The following LINGO2 variants were observed in gnomAD, a reference collection of about 807,000 sequenced individuals.
LINGO2 encodes the protein leucine rich repeat and Ig domain containing 2.
LINGO2 carries 14 observed loss-of-function variants against 30.6 expected under a neutral mutation model. The ratio of observed to expected loss-of-function variants is 0.46; its 90% CI spans 0.30 to 0.72. The LOEUF (loss-of-function observed/expected upper bound fraction) is 0.72. LINGO2 is among the 30% of genes least tolerant of loss of function. LINGO2 has a pLI of 0.07. For missense variants in LINGO2, 729 were observed against 751.7 expected (o/e 0.97, Z 0.35); for synonymous variants, 317 against 288.5 (o/e 1.10, Z -1.00).
At chr9:29,018,896 C>T in the LINGO2 span, among the ~76,000 whole-genome samples, 1 of 152,086 alleles carries the variant, frequency 6.6e-6, no homozygotes, top group African/African-American at 2.4e-5. Context: ...TATGTACAGG[C>T]TGTGGTGGGG....
In LINGO2 at chr9:28,622,967, T is replaced by G. The variant is rs1025801415; in HGVS notation, c.-365+47233A>C. 4.1e-4 allele frequency among the ~76,000 whole-genome samples: 63 copies of G among 152,230 alleles called. 1 individual carries two copies. Among genetic ancestry groups the G allele is most frequent in the African/African-American group, 1.5e-3 (61 of 41,574 alleles). ...GATGTCAAGCACCTTATTATAGGTC[T>G]GCTTGCCATTTGTATGTCTTATTTT... On this transcript the variant is annotated intron_variant, in intron 1 of 5. Transcript: ENST00000379992.
At chr9:28,003,334 T>G (rs1857339) in intron 5 of LINGO2, among the ~76,000 whole-genome samples, 6 of 135,150 alleles carry the variant, frequency 4.4e-5, no homozygotes, top group Admixed American at 7.5e-5. Flanking sequence ...CATATAGATA[T>G]ATAGATATAT....
At chr9:28,471,344 C>T (rs763330571) in intron 2 of LINGO2, among the ~76,000 whole-genome samples, 1 of 152,118 alleles carries the variant, frequency 6.6e-6, no homozygotes, top group African/African-American at 2.4e-5. Flanking sequence ...AGACCAAACA[C>T]GAGGGTGGCC....
chr9:28,077,056 T>G (rs1587816092), intron 4 of LINGO2, among the ~76,000 whole-genome samples: 1 of 152,196 alleles, frequency 6.6e-6, no homozygotes. Flanking sequence ...TAATGAAGTT[T>G]GACTGCACAG....
intron 4 of LINGO2, among the ~76,000 whole-genome samples, chr9:28,094,219 T>A (rs964143705): frequency 1.3e-5 from 2 of 152,124 alleles, no homozygotes; most frequent in African/African-American, 4.8e-5. Context: ...AAAGGAGGAA[T>A]AGTAACTTAA....
the LINGO2 span, among the ~76,000 whole-genome samples, chr9:29,074,340 T>A: frequency 6.6e-6 from 1 of 152,178 alleles, no homozygotes; most frequent in Non-Finnish European, 1.5e-5. Context: ...TTAAAATACA[T>A]GTATCATTGA....
At chr9:29,039,651 G>T in the LINGO2 span, among the ~76,000 whole-genome samples, 1 of 151,978 alleles carries the variant, frequency 6.6e-6, no homozygotes, top group Non-Finnish European at 1.5e-5. Context: ...TGGCTACCCC[G>T]ACCTTTCTAA....
intron 4 of LINGO2, among the ~76,000 whole-genome samples, chr9:28,068,558 T>C (rs1825381265): frequency 1.3e-5 from 2 of 152,224 alleles, no homozygotes; most frequent in East Asian, 1.9e-4. Context: ...TATTCATTCA[T>C]TTATTCATTC....
intron 5 of LINGO2, among the ~76,000 whole-genome samples, chr9:27,987,551 A>T (rs1228961477): frequency 1.3e-5 from 2 of 152,032 alleles, no homozygotes; most frequent in East Asian, 3.9e-4. Context: ...GTTAGATTAA[A>T]TAAACAAGAT....
At chr9:29,004,381 C>T in the LINGO2 span, among the ~76,000 whole-genome samples, 3 of 152,018 alleles carry the variant, frequency 2.0e-5, no homozygotes, top group East Asian at 5.8e-4. Flanking sequence ...TTAATTCTTC[C>T]ATGAACACAA....
At chr9:28,077,533 C>T (rs1825660276) in intron 4 of LINGO2, among the ~76,000 whole-genome samples, 1 of 152,052 alleles carries the variant, frequency 6.6e-6, no homozygotes, top group Non-Finnish European at 1.5e-5. Context: ...TTCTGGGAAC[C>T]CATGTTCCTA....
At chr9:27,958,915 A>C (rs1819707617) in intron 5 of LINGO2, among the ~76,000 whole-genome samples, 1 of 152,158 alleles carries the variant, frequency 6.6e-6, no homozygotes, top group South Asian at 2.1e-4. Flanking sequence ...ATCCAAACAG[A>C]CCCTAGAATT....
At chr9:28,801,676 T>A in the LINGO2 span, among the ~76,000 whole-genome samples, 9 of 152,082 alleles carry the variant, frequency 5.9e-5, no homozygotes, top group Non-Finnish European at 1.5e-5. Flanking sequence ...AGGTGGAAGC[T>A]ATGTTAATCT....
chr9:28,159,012 A>G (rs1828213788), intron 4 of LINGO2, among the ~76,000 whole-genome samples: 1 of 152,214 alleles, frequency 6.6e-6, no homozygotes, highest in African/African-American at 2.4e-5. Flanking sequence ...AAAGGAAGTT[A>G]CACACAGACC....
chr9:28,620,661 A>T (rs1826349154), intron 1 of LINGO2, among the ~76,000 whole-genome samples: 1 of 152,058 alleles, frequency 6.6e-6, no homozygotes, highest in African/African-American at 2.4e-5. Flanking sequence ...GTTCTAGGCA[A>T]TTCTTAGTTA....
chr9:28,356,777 G>C (rs1437175023), intron 3 of LINGO2, among the ~76,000 whole-genome samples: 2 of 152,056 alleles, frequency 1.3e-5, no homozygotes, highest in African/African-American at 2.4e-5. Context: ...ATCAGAAAGT[G>C]CATCCTTCTA....
At chr9:27,957,130 ACTTT>A (rs1819609645) in intron 5 of LINGO2, among the ~76,000 whole-genome samples, 1 of 152,018 alleles carries the variant, frequency 6.6e-6, no homozygotes, top group Non-Finnish European at 1.5e-5. Context: ...AAAAATAAAT[ACTTT>A]CTTTTCCCTA....
intron 4 of LINGO2, among the ~76,000 whole-genome samples, chr9:28,183,402 T>G (rs1262231432): frequency 1.3e-5 from 2 of 151,952 alleles, no homozygotes; most frequent in Non-Finnish European, 2.9e-5. Context: ...CTGCACATTA[T>G]GCACGTTTCC....
the LINGO2 span, among the ~76,000 whole-genome samples, chr9:28,796,188 A>C: frequency 6.6e-6 from 1 of 152,172 alleles, no homozygotes; most frequent in East Asian, 1.9e-4. Context: ...GATAAATTAG[A>C]CATCAAAGAG....
Sources: gnomAD v4.1 joint callset for allele counts (sites outside exome capture counted in the v4.1 genomes callset) on GRCh38, gnomAD v4.1.1 for gene constraint, MANE v1.5 for transcripts, NCBI Gene and HGNC (gene_info 2026-07-23, HGNC 2026-07-21) for gene names.